Variants in PAK6 observed in about 807,000 individuals in gnomAD.
The protein encoded by PAK6 is serine/threonine-protein kinase PAK 6.
A neutral mutation model predicts 60.8 loss-of-function variants in PAK6; 33 were observed. The ratio of observed to expected loss-of-function variants is 0.54; its 90% CI spans 0.41 to 0.73. The LOEUF (loss-of-function observed/expected upper bound fraction) is 0.73, where lower values mean the gene tolerates loss of function less well. Ranked by LOEUF, PAK6 falls within the 30% of genes least tolerant of loss-of-function variation. The pLI is 0.00. For synonymous variants in PAK6, 404 were observed against 378.5 expected, an observed-to-expected ratio of 1.07 and a Z score of -0.78; for missense variants, 845 against 904.1, an observed-to-expected ratio of 0.93 and a Z score of 0.84.
chr15:40,274,460 G>A (rs1318849367), intron 10 of PAK6, among the ~76,000 whole-genome samples, 184 bp downstream of exon 10: 2 of 152,222 alleles, frequency 1.3e-5, no homozygotes, highest in African/African-American at 2.4e-5. Flanking sequence ...GCACAAGTTC[G>A]CATGTGCGCT....
In PAK6 at chr15:40,266,089, C is replaced by T. The variant is rs35593179; in HGVS notation, c.452C>T (p.Thr151Ile). The T allele has an allele frequency of 4.5e-5, 73 of 1,610,006 alleles. No homozygotes were observed. The African/African-American group carries it at 9.3e-4, about 21-fold the overall frequency. The change falls in exon 5 of 11, where the codon ACA becomes ATA. Residue 151 changes from threonine (T) to isoleucine (I), a missense_variant. Physicochemically the swap from Thr to Ile is moderately conservative, Grantham distance 89. Coordinates refer to ENST00000560346, the Ensembl canonical transcript of PAK6. ...CTCTACCTCAGCTGCAACGGGGGCA[C>T]ACCAGCAGGCCACAAGCAGATGCCG...
At chr15:40,244,280 G>C (rs1180911666) in intron 2 of PAK6, among the ~76,000 whole-genome samples, 2 of 147,672 alleles carry the variant, frequency 1.4e-5, no homozygotes, top group Non-Finnish European at 3.0e-5. Context: ...GTAGTGAGCT[G>C]GGATCGTGCC....
At chr15:40,249,529 A>G (rs117580621) in intron 2 of PAK6, among the ~76,000 whole-genome samples, 3,489 of 152,328 alleles carry the variant, frequency 0.023, 65 homozygotes, top group Non-Finnish European at 0.036. Flanking sequence ...ATTGGCAGCC[A>G]TTACTATTTC....
exon 5 of PAK6, chr15:40,266,387 G>A: frequency 6.2e-7 from 1 of 1,613,130 alleles, no homozygotes; most frequent in Non-Finnish European, 8.5e-7. Context: ...CTAGCCCTAA[G>A]ACCCGGGAGA....
intron 3 of PAK6, among the ~76,000 whole-genome samples, chr15:40,256,280 C>T (rs1432986671): frequency 6.6e-6 from 1 of 152,114 alleles, no homozygotes; most frequent in African/African-American, 2.4e-5. Context: ...TGAGAAAAAT[C>T]CTTCTGGCCA....
At chr15:40,252,462 C>T (rs752341297) in intron 2 of PAK6, 9 of 1,361,892 alleles carry the variant, frequency 6.6e-6, no homozygotes, top group Non-Finnish European at 8.8e-6. Flanking sequence ...AGAGGGGCTC[C>T]TGGCCAAGGC....
chr15:40,264,893 C>T (rs768544182), exon 4 of PAK6: 7 of 1,613,762 alleles, frequency 4.3e-6, no homozygotes, highest in African/African-American at 1.3e-5. Context: ...TTGTGGGCCT[C>T]CCCCCACAAT....
intron 9 of PAK6, 39 bp from the exon 10 acceptor site, chr15:40,274,103 G>A: frequency 6.2e-7 from 1 of 1,612,464 alleles, no homozygotes; most frequent in Non-Finnish European, 8.5e-7. Flanking sequence ...CAATGGGCCA[G>A]GGTCTGGCCA....
At chr15:40,266,102 C>A in exon 5 of PAK6, 1 of 1,608,978 alleles carries the variant, frequency 6.2e-7, no homozygotes, top group Non-Finnish European at 8.5e-7. Flanking sequence ...CAGCAGGCCA[C>A]AAGCAGATGC....
At chr15:40,276,275 GTCTC>G (rs1046055991) in exon 11 of PAK6, 2 of 600,512 alleles carry the variant, frequency 3.3e-6, no homozygotes, top group African/African-American at 3.7e-5. Flanking sequence ...CCCCCTCAGT[GTCTC>G]TCCCTCCCGA....
chr15:40,263,094 C>T (rs562960499), intron 3 of PAK6, among the ~76,000 whole-genome samples: 39 of 152,310 alleles, frequency 2.6e-4, no homozygotes, highest in Non-Finnish European at 5.0e-4. Context: ...TAGTGGGGAA[C>T]CACTGGCTGT....
intron 2 of PAK6, among the ~76,000 whole-genome samples, chr15:40,248,051 A>G (rs1274233262): frequency 6.6e-6 from 1 of 152,086 alleles, no homozygotes; most frequent in Non-Finnish European, 1.5e-5. Context: ...CCAGGGCGGG[A>G]GGTACTCTTT....
intron 2 of PAK6, among the ~76,000 whole-genome samples, chr15:40,250,191 G>A (rs1215669005): frequency 6.6e-6 from 1 of 152,258 alleles, no homozygotes; most frequent in Non-Finnish European, 1.5e-5. Flanking sequence ...GATCAGAGGA[G>A]AATAGAGAAG....
At chr15:40,252,334 G>C in intron 2 of PAK6, 2 of 1,280,340 alleles carry the variant, frequency 1.6e-6, no homozygotes, top group Non-Finnish European at 2.0e-6. Context: ...CTGGGCCGTG[G>C]AGCCGCAGGC....
Position 40,265,315 on chromosome 15 carries a change from T to A in PAK6, c.204+326T>A, listed in dbSNP as rs553331608. 1.5e-3 allele frequency among the ~76,000 whole-genome samples: 225 copies of A among 152,342 alleles called. 2 individuals carry two copies. Among genetic ancestry groups the A allele is most frequent in the Non-Finnish European group, 2.0e-3 (134 of 68,022 alleles). On this transcript the variant is annotated intron_variant, in intron 4 of 10. Transcript: ENST00000560346. ...TTCAATATTTGGACCTGCAGCCCCA[T>A]AGGGACTGAGGGCTCTCCCAGACCA...
At chr15:40,270,481 G>A (rs1311862292) in intron 5 of PAK6, among the ~76,000 whole-genome samples, 1 of 152,192 alleles carries the variant, frequency 6.6e-6, no homozygotes, top group Non-Finnish European at 1.5e-5. Context: ...TCCCTGCATT[G>A]TAGTGGAGAC....
chr15:40,274,319 T>C (rs1466248119), intron 10 of PAK6, 43 bp downstream of exon 10: 1 of 1,539,448 alleles, frequency 6.5e-7, no homozygotes, highest in Non-Finnish European at 8.7e-7. Flanking sequence ...ACCCCATTCC[T>C]CCTGAGGCAA....
In PAK6 at chr15:40,252,402, G is replaced by A. The variant is rs1425923803; in HGVS notation, c.-117-776G>A. Reference sequence around the variant, plus strand: ...GGAGGCGAAGGGCGGGCGGGAACTGGGGCCAAGCAGGTGGAGAGAAAGAGT... The same window carrying A: ...GGAGGCGAAGGGCGGGCGGGAACTGAGGCCAAGCAGGTGGAGAGAAAGAGT... On this transcript the variant is annotated intron_variant, in intron 2 of 10. Transcript: ENST00000560346. 4 of 1,344,598 alleles carry A rather than the reference G, an allele frequency of 3.0e-6. No homozygotes were observed. In the African/African-American group the frequency reaches 5.9e-5, roughly 20 times the overall value. 83.3% of individuals were successfully genotyped at this position (1,344,598 alleles called of 1,614,324 possible).
At position 40,271,563 on chromosome 15, in the gene PAK6, T is replaced by A. The variant is rs573442734; in HGVS notation, c.859-661T>A. ...AACTCCAGATCTCTCTGGCACCAGA[T>A]TCCCAGCCCAGGGGAGACACCTGAG... is the stretch of plus-strand genomic sequence containing the variant. On this transcript the variant is annotated intron_variant, in intron 5 of 10. Transcript: ENST00000560346. 1.1e-4 allele frequency among the ~76,000 whole-genome samples: 16 copies of A among 152,282 alleles called. No individual in the cohort carries two copies. The East Asian group carries it at 2.9e-3, about 28-fold the overall frequency.
Sources: allele counts gnomAD v4.1 joint callset (sites outside exome capture counted in the v4.1 genomes callset), GRCh38; gene constraint gnomAD v4.1.1; transcripts MANE v1.5; gene names NCBI Gene and HGNC (gene_info 2026-07-23, HGNC 2026-07-21).